SEZ6L: variants seen among roughly 807,000 people sequenced by gnomAD.
SEZ6L encodes seizure 6-like protein.
Under a neutral mutation model 106.2 loss-of-function variants are expected in SEZ6L, and 37 were observed. That is an observed-to-expected ratio of 0.35 (90% CI 0.27 to 0.46). The LOEUF (loss-of-function observed/expected upper bound fraction) is 0.46. Among genes scored for constraint, SEZ6L ranks in the 20% least tolerant of loss-of-function variants. The pLI, the probability that SEZ6L is intolerant of heterozygous loss-of-function variation, is 1.00. For synonymous variants in SEZ6L, 541 were observed against 570.4 expected, an observed-to-expected ratio of 0.95 and a Z score of 0.73; for missense variants, 1,172 against 1,332.8, an observed-to-expected ratio of 0.88 and a Z score of 1.88.
intron 1 of SEZ6L, among the ~76,000 whole-genome samples, chr22:26,184,379 A>G (rs1939626920): frequency 1.3e-5 from 2 of 151,966 alleles, no homozygotes; most frequent in African/African-American, 2.4e-5. Flanking sequence ...TTCTGCCACA[A>G]TGCTTCCACG....
intron 9 of SEZ6L, among the ~76,000 whole-genome samples, chr22:26,320,185 G>T (rs970162897): frequency 6.6e-6 from 1 of 152,184 alleles, no homozygotes; most frequent in African/African-American, 2.4e-5. Flanking sequence ...AATATCTAGC[G>T]GGAGGGGGAC....
chr22:26,284,443 C>G (rs1200409329), intron 1 of SEZ6L, among the ~76,000 whole-genome samples: 2 of 151,902 alleles, frequency 1.3e-5, no homozygotes, highest in Non-Finnish European at 2.9e-5. Flanking sequence ...CCTGTCTCTA[C>G]TAAAAATATA....
chr22:26,289,529 T>C (rs886706883), intron 1 of SEZ6L, among the ~76,000 whole-genome samples: 5 of 152,110 alleles, frequency 3.3e-5, no homozygotes, highest in Admixed American at 3.3e-4. Flanking sequence ...ACTCCCCACC[T>C]TGGACTAGGA....
chr22:26,331,805 A>T (rs764783867), intron 9 of SEZ6L, among the ~76,000 whole-genome samples: 16 of 152,072 alleles, frequency 1.1e-4, no homozygotes, highest in Non-Finnish European at 1.6e-4. Flanking sequence ...CAACATGGTG[A>T]AATGCTGTCT....
intron 1 of SEZ6L, among the ~76,000 whole-genome samples, chr22:26,251,184 T>G (rs2079565589): frequency 6.6e-6 from 1 of 152,224 alleles, no homozygotes; most frequent in African/African-American, 2.4e-5. Flanking sequence ...CTGTGTTTAA[T>G]AGGAGTGGTG....
In SEZ6L at chr22:26,284,328, C is replaced by T. The variant is rs371821983; in HGVS notation, c.95-8078C>T. Among the ~76,000 whole-genome samples the T allele has an allele frequency of 2.1e-3, 314 of 152,256 alleles. 1 individual carries two copies. Among genetic ancestry groups the T allele is most frequent in the Non-Finnish European group, 3.8e-3 (260 of 68,010 alleles). On this transcript the variant is annotated intron_variant, in intron 1 of 16. Transcript: ENST00000248933. Reference sequence around the variant, plus strand: ...ATTTAGAGATGAAACAAGACTTGGCCGGGTGCGGTGGCTCATGCCTATAAT... The same window carrying T: ...ATTTAGAGATGAAACAAGACTTGGCTGGGTGCGGTGGCTCATGCCTATAAT...
chr22:26,222,781 A>G (rs979180627), intron 1 of SEZ6L, among the ~76,000 whole-genome samples: 6 of 152,226 alleles, frequency 3.9e-5, no homozygotes, highest in Non-Finnish European at 7.3e-5. Flanking sequence ...ACCCAGTAGG[A>G]AATCTCTGGC....
At chr22:26,350,655 C>CTTA (rs1392146936) in intron 11 of SEZ6L, among the ~76,000 whole-genome samples, 5 of 130,424 alleles carry the variant, frequency 3.8e-5, no homozygotes, top group African/African-American at 1.4e-4. Context: ...AGTTAGGAAA[C>CTTA]TTTTTTTTTT....
chr22:26,197,047 GTAGA>G (rs1434648129), intron 1 of SEZ6L, among the ~76,000 whole-genome samples: 4 of 152,190 alleles, frequency 2.6e-5, no homozygotes, highest in African/African-American at 9.7e-5. Context: ...AGAGATGCAT[GTAGA>G]TAGTTTTAGG....
At chr22:26,245,451 C>T (rs1218473718) in intron 1 of SEZ6L, among the ~76,000 whole-genome samples, 1 of 152,116 alleles carries the variant, frequency 6.6e-6, no homozygotes, top group Non-Finnish European at 1.5e-5. Flanking sequence ...TAGGGAGGGA[C>T]TCTCCCAAGC....
At chr22:26,296,760 C>T (rs1022655461) in intron 3 of SEZ6L, 128 bp from the exon 4 acceptor site, 1 of 736,088 alleles carries the variant, frequency 1.4e-6, no homozygotes, top group Non-Finnish European at 2.0e-6. Flanking sequence ...GGCATGGGGC[C>T]CAGGGGTCCC....
At chr22:26,240,008 T>C (rs898327157) in intron 1 of SEZ6L, among the ~76,000 whole-genome samples, 3 of 151,390 alleles carry the variant, frequency 2.0e-5, no homozygotes, top group Admixed American at 6.6e-5. Flanking sequence ...CTTCTTGAGC[T>C]GCAAATATCA....
intron 1 of SEZ6L, among the ~76,000 whole-genome samples, chr22:26,280,026 A>C (rs1393167808): frequency 2.0e-5 from 3 of 152,206 alleles, no homozygotes; most frequent in South Asian, 2.1e-4. Context: ...ACAATAAAAA[A>C]AATAAAAAGT....
chr22:26,293,395 A>G (rs2081201638), intron 2 of SEZ6L, among the ~76,000 whole-genome samples: 1 of 152,228 alleles, frequency 6.6e-6, no homozygotes, highest in Non-Finnish European at 1.5e-5. Flanking sequence ...CCATGGCACG[A>G]TCATAGCTCA....
intron 1 of SEZ6L, among the ~76,000 whole-genome samples, chr22:26,246,643 A>G (rs1207726526): frequency 2.0e-5 from 3 of 152,234 alleles, no homozygotes; most frequent in African/African-American, 7.2e-5. Flanking sequence ...CTTACAATGC[A>G]GTCGATTAAT....
chr22:26,252,148 T>C (rs2079617885), intron 1 of SEZ6L, among the ~76,000 whole-genome samples: 1 of 152,110 alleles, frequency 6.6e-6, no homozygotes. Flanking sequence ...GTCTACATTT[T>C]AACAAGGTCC....
At position 26,310,807 on chromosome 22, in the gene SEZ6L, C is replaced by G. The variant is rs201841723; in HGVS notation, c.1652C>G (p.Ala551Gly). ...GAGTTCACGTCCGACCAGGCCCGGG[C>G]GGCCTCCACCTTCAACATCCGATTT... The part of the protein sequence containing the change: ...RIEFTSDQAR[A>G]ASTFNIRFEA... The change falls in exon 7 of 17, where the codon GCG (alanine) becomes GGG (glycine). Residue 551 changes from alanine (A) to glycine (G), a missense_variant. By Grantham distance (60) the Ala-to-Gly change is moderately conservative (BLOSUM62 0). Transcript: ENST00000248933. 6.2e-7 allele frequency: 1 copy of G among 1,614,032 alleles called. No individual in the cohort carries two copies. The highest frequency in any genetic ancestry group is 1.1e-5 in the South Asian group (1 of 91,074).
chr22:26,289,459 G>T (rs3884852), intron 1 of SEZ6L, among the ~76,000 whole-genome samples: 3 of 152,160 alleles, frequency 2.0e-5, no homozygotes, highest in Non-Finnish European at 4.4e-5. Flanking sequence ...GACTTGCCCA[G>T]ACTCACTCAG....
Position 26,169,622 on chromosome 22 carries a change from C to T in SEZ6L, c.-48C>T. On this transcript the variant is annotated 5_prime_UTR_variant, in exon 1 of 17. Transcript: ENST00000248933. ...CCGCCCTCCTTCCCCAGCTCCCTCG[C>T]CGTCCGCCCGCCCCACAGCCAGCGG... 1 of 700,316 alleles carries T rather than the reference C, an allele frequency of 1.4e-6. No homozygotes were observed. The highest frequency in any genetic ancestry group is 2.1e-6 in the Non-Finnish European group (1 of 477,252). 43.4% of individuals were successfully genotyped at this position (700,316 alleles called of 1,614,324 possible). A position where few individuals can be genotyped will look rare whatever the true frequency, so the allele number is the denominator to read the frequency against.
Sources: gnomAD v4.1 joint callset for allele counts (sites outside exome capture counted in the v4.1 genomes callset) on GRCh38, gnomAD v4.1.1 for gene constraint, MANE v1.5 for transcripts, NCBI Gene and HGNC (gene_info 2026-07-23, HGNC 2026-07-21) for gene names.